The following PLPP3 variants were observed in gnomAD, a reference collection of about 807,000 sequenced individuals.
The protein encoded by PLPP3 is phospholipid phosphatase 3.
PLPP3 carries 6 observed loss-of-function variants against 29.6 expected under a neutral mutation model. That is an observed-to-expected ratio of 0.20 (90% CI 0.11 to 0.40). PLPP3 has a LOEUF of 0.40. PLPP3 is among the 10% of genes least tolerant of loss of function. The probability of loss-of-function intolerance (pLI) is 1.00; values close to 1 mark genes in which losing one functional copy is unlikely to be tolerated. For missense variants in PLPP3, 308 were observed against 407.7 expected, an observed-to-expected ratio of 0.76 and a Z score of 2.11; for synonymous variants, 152 against 159.7, an observed-to-expected ratio of 0.95 and a Z score of 0.36.
chr1:56,571,245 T>C (rs1186510682), intron 1 of PLPP3, among the ~76,000 whole-genome samples: 1 of 152,230 alleles, frequency 6.6e-6, no homozygotes, highest in Non-Finnish European at 1.5e-5. Flanking sequence ...GATGTGGTGA[T>C]GATAATGACT....
intron 1 of PLPP3, among the ~76,000 whole-genome samples, chr1:56,578,304 C>T (rs1646250110): frequency 6.6e-6 from 1 of 152,190 alleles, no homozygotes; most frequent in African/African-American, 2.4e-5. Context: ...CAAGTGATTG[C>T]TGAAGCCGTG....
chr1:56,557,018 G>GGAAAGAAAGAAA lies in PLPP3; in HGVS notation c.140-19907_140-19906insTTTCTTTCTTTC, dbSNP rs1557513570. ...AGAAAGAAAGAAAGAAAGAGAGAGA[G>GGAAAGAAAGAAA]AGAGAGAAAGAGAGAGAGAGAGAGA... On this transcript the variant is annotated intron_variant, in intron 1 of 5. Coordinates refer to ENST00000371250, the MANE Select transcript of PLPP3 (RefSeq NM_003713.5). 1.5e-3 allele frequency among the ~76,000 whole-genome samples: 21 copies of GGAAAGAAAGAAA among 13,772 alleles called. 1 individual carries two copies. The highest frequency in any genetic ancestry group is 2.5e-3 in the African/African-American group (12 of 4,838). The allele number at this position is 13,772 out of a possible 152,430, so 9.0% of individuals were successfully genotyped here.
rs542521816 is a variant in PLPP3 at position 56,574,200 on chromosome 1, A to C, written c.139+4678T>G. On this transcript the variant is annotated intron_variant, in intron 1 of 5. Transcript: ENST00000371250. ...GGGTGACAGAGAAGACTCTGTCTCA[A>C]AAAAAAAAAAAAACCCTAACCATTA... Among the ~76,000 whole-genome samples the C allele has an allele frequency of 8.2e-4, 122 of 148,340 alleles. 1 individual carries two copies. The highest frequency in any genetic ancestry group is 2.8e-3 in the African/African-American group (112 of 40,616).
chr1:56,529,011 T>C (rs1231758112), intron 2 of PLPP3, among the ~76,000 whole-genome samples: 5 of 151,804 alleles, frequency 3.3e-5, no homozygotes, highest in African/African-American at 7.3e-5. Flanking sequence ...GACTGAGAAC[T>C]CATCTTCCAC....
chr1:56,575,853 G>GAATC (rs1355954946), intron 1 of PLPP3, among the ~76,000 whole-genome samples: 1 of 152,100 alleles, frequency 6.6e-6, no homozygotes, highest in Admixed American at 6.6e-5. Flanking sequence ...TCTTACCTGG[G>GAATC]AATCGTCTGT....
chr1:56,561,080 C>A (rs923703525), intron 1 of PLPP3, among the ~76,000 whole-genome samples: 1 of 151,236 alleles, frequency 6.6e-6, no homozygotes, highest in Non-Finnish European at 1.5e-5. Context: ...ATCTCCTGAC[C>A]TTGTGATCCG....
At chr1:56,577,232 CT>C (rs1433415619) in intron 1 of PLPP3, among the ~76,000 whole-genome samples, 1 of 152,198 alleles carries the variant, frequency 6.6e-6, no homozygotes, top group Admixed American at 6.5e-5. Context: ...AATTCAACAG[CT>C]TGATTACAAG....
chr1:56,531,226 T>C (rs553063534), intron 2 of PLPP3, among the ~76,000 whole-genome samples: 1 of 152,320 alleles, frequency 6.6e-6, no homozygotes, highest in Non-Finnish European at 1.5e-5. Context: ...ATCTGCAGCA[T>C]CTGATATGTT....
intron 2 of PLPP3, among the ~76,000 whole-genome samples, chr1:56,528,304 T>G (rs918909544): frequency 1.5e-4 from 23 of 152,328 alleles, no homozygotes; most frequent in African/African-American, 5.3e-4. Flanking sequence ...TGGCTCCAAC[T>G]GCAAGACAGC....
intron 1 of PLPP3, among the ~76,000 whole-genome samples, chr1:56,567,866 A>G (rs982103579): frequency 6.6e-6 from 1 of 152,206 alleles, no homozygotes; most frequent in Admixed American, 6.5e-5. Flanking sequence ...CACTATTCAT[A>G]ATGGCCAAAA....
intron 4 of PLPP3, among the ~76,000 whole-genome samples, chr1:56,514,042 A>G (rs188108565): frequency 1.3e-5 from 2 of 152,234 alleles, no homozygotes; most frequent in Non-Finnish European, 2.9e-5. Flanking sequence ...GGCAAAATAA[A>G]TAAATAAATA....
intron 2 of PLPP3, among the ~76,000 whole-genome samples, chr1:56,530,575 T>C (rs1046322886): frequency 1.3e-5 from 2 of 152,244 alleles, no homozygotes; most frequent in African/African-American, 4.8e-5. Context: ...TCCTCTCCCT[T>C]ATCCCATTGT....
chr1:56,525,877 G>A (rs1424906688), intron 2 of PLPP3, among the ~76,000 whole-genome samples: 3 of 152,128 alleles, frequency 2.0e-5, no homozygotes, highest in Admixed American at 2.0e-4. Flanking sequence ...AAAGCATCAA[G>A]GCATGAGGTC....
chr1:56,523,845 A>G lies in PLPP3; in HGVS notation c.611T>C (p.Met204Thr). Reference sequence around the variant, plus strand: ...TACCACCAAATACAGCATAGTGTACATGGAGAAGGAGGCATGGCCAGAGAA... The same window carrying G: ...TACCACCAAATACAGCATAGTGTACGTGGAGAAGGAGGCATGGCCAGAGAA... ...SFFSGHASFS[M>T]YTMLYLVLYL... The change falls in exon 4 of 6, where the codon ATG (methionine) becomes ACG (threonine). Residue 204 changes from methionine (M) to threonine (T), a missense_variant. Around this residue, in one of 3 missense-constraint regions of PLPP3, gnomAD observed 232 missense variants for 317.2 expected, o/e 0.73. Coordinates refer to ENST00000371250, the MANE Select transcript of PLPP3 (RefSeq NM_003713.5). 1 of 1,613,824 alleles carries G rather than the reference A, an allele frequency of 6.2e-7. No individual in the cohort carries two copies. The highest frequency in any genetic ancestry group is 8.5e-7 in the Non-Finnish European group (1 of 1,179,770).
Position 56,573,876 on chromosome 1 carries a change from A to T in PLPP3, c.139+5002T>A, listed in dbSNP as rs554570443. Among the ~76,000 whole-genome samples, 4 of 152,290 alleles carry T rather than the reference A, an allele frequency of 2.6e-5. No homozygotes were observed. The South Asian group carries it at 8.3e-4, about 32-fold the overall frequency. On this transcript the variant is annotated intron_variant, in intron 1 of 5. Coordinates refer to ENST00000371250, the MANE Select transcript of PLPP3 (RefSeq NM_003713.5). ...CTGCACAAGAAAGGGTAAAGGAAGA[A>T]TCTAAAATTGACAGGTAATCAAAAG...
intron 1 of PLPP3, among the ~76,000 whole-genome samples, chr1:56,570,830 G>A (rs1424699247): frequency 6.6e-6 from 1 of 152,146 alleles, no homozygotes; most frequent in Non-Finnish European, 1.5e-5. Context: ...TTTGAAAAAG[G>A]TGGCACCTGT....
At chr1:56,523,273 A>G (rs1645831372) in intron 4 of PLPP3, among the ~76,000 whole-genome samples, 1 of 152,214 alleles carries the variant, frequency 6.6e-6, no homozygotes. Context: ...GAGGACTGAC[A>G]TGGTGAACGT....
rs1171938814 is a variant in PLPP3, at chr1:56,556,990, G to GAAAGAAAT, written c.140-19879_140-19878insATTTCTTT. Among the ~76,000 whole-genome samples the GAAAGAAAT allele has an allele frequency of 8.0e-4, 6 of 7,478 alleles. No homozygotes were observed. The South Asian group carries it at 9.3e-3, about 12-fold the overall frequency. The allele number at this position is 7,478 out of a possible 152,430, so 4.9% of individuals were successfully genotyped here. Reference sequence around the variant, plus strand: ...AGAAAGAAAGAAAGAAAGAAAGAAAGAAAGAAAGAAAGAAAGAAAGAGAGA... The same window carrying GAAAGAAAT: ...AGAAAGAAAGAAAGAAAGAAAGAAAGAAAGAAATAAAGAAAGAAAGAAAGAAAGAGAGA... On this transcript the variant is annotated intron_variant, in intron 1 of 5. Transcript: ENST00000371250.
chr1:56,543,136 C>T (rs1645981526), intron 1 of PLPP3, among the ~76,000 whole-genome samples: 1 of 152,086 alleles, frequency 6.6e-6, no homozygotes, highest in Non-Finnish European at 1.5e-5. Flanking sequence ...CAGAAATGTT[C>T]ATCAGTTCAC....
Sources: allele counts gnomAD v4.1 joint callset (sites outside exome capture counted in the v4.1 genomes callset), GRCh38; gene constraint gnomAD v4.1.1; regional missense constraint gnomAD v4.1.1; transcripts MANE v1.5; gene names NCBI Gene and HGNC (gene_info 2026-07-23, HGNC 2026-07-21).